The following LCT variants were observed in gnomAD, a reference collection of about 807,000 sequenced individuals.
LCT encodes the protein lactase/phlorizin hydrolase.
LCT carries 90 observed loss-of-function variants against 173.0 expected under a neutral mutation model. The observed-to-expected ratio is 0.52, with a 90% CI of 0.44 to 0.62. The LOEUF (loss-of-function observed/expected upper bound fraction) is 0.62. LCT is among the 20% of genes least tolerant of loss of function. LCT has a pLI of 0.00. For missense variants in LCT, 1,864 were observed against 2,431.4 expected (o/e 0.77, Z 4.91); for synonymous variants, 853 against 957.6 (o/e 0.89, Z 2.02).
chr2:135,812,245 C>T (rs1015950225), intron 7 of LCT, 66 bp downstream of exon 7: 22 of 1,384,986 alleles, frequency 1.6e-5, no homozygotes, highest in Middle Eastern at 2.1e-4. Context: ...TCTTATTAAA[C>T]GAAACTTTGA....
At chr2:135,802,334 C>A (rs1217712325) in intron 11 of LCT, among the ~76,000 whole-genome samples, 1 of 152,124 alleles carries the variant, frequency 6.6e-6, no homozygotes, top group Non-Finnish European at 1.5e-5. Flanking sequence ...ATTCAAAACC[C>A]TAAGGGATCC....
At chr2:135,827,824 G>C (rs994999125) in intron 3 of LCT, among the ~76,000 whole-genome samples, 1 of 152,164 alleles carries the variant, frequency 6.6e-6, no homozygotes, top group African/African-American at 2.4e-5. Context: ...TGCTCCGCCT[G>C]GGGGCTGGGG....
intron 6 of LCT, among the ~76,000 whole-genome samples, chr2:135,814,549 G>T (rs189792549): frequency 8.1e-4 from 121 of 149,064 alleles, no homozygotes; most frequent in African/African-American, 2.8e-3. Flanking sequence ...ATGGAGTCTC[G>T]CTCTGTCACC....
intron 14 of LCT, among the ~76,000 whole-genome samples, chr2:135,792,671 C>T (rs2077542477): frequency 1.3e-5 from 2 of 152,142 alleles, no homozygotes; most frequent in African/African-American, 4.8e-5. Context: ...AGCCATAATA[C>T]CCCTGGGAAC....
At chr2:135,835,823 T>A (rs1679331788) in intron 1 of LCT, among the ~76,000 whole-genome samples, 1 of 150,122 alleles carries the variant, frequency 6.7e-6, no homozygotes, top group African/African-American at 2.4e-5. Flanking sequence ...CTAAGACATG[T>A]AAGTATAGGG....
Position 135,794,634 on chromosome 2 carries a change from G to T in LCT, c.5111+7C>A, listed in dbSNP as rs1433105399. ...GATGGCTCCGGGCTCCCTGTTGGTGGACTTACCTGTCTGCATCAAAAGAAG... is the reference window on the plus strand; with the variant it reads ...GATGGCTCCGGGCTCCCTGTTGGTGTACTTACCTGTCTGCATCAAAAGAAG... On this transcript the variant is annotated splice_region_variant and intron_variant, in intron 14 of 16. Transcript: ENST00000264162. 6.8e-6 allele frequency: 11 copies of T among 1,613,792 alleles called. No individual in the cohort carries two copies. The highest frequency in any genetic ancestry group is 5.1e-6 in the Non-Finnish European group (6 of 1,179,948).
Position 135,812,854 on chromosome 2 carries a change from C to T in LCT, c.1810G>A (p.Asp604Asn). The T allele has an allele frequency of 3.1e-6, 5 of 1,614,218 alleles. No homozygotes were observed. The highest frequency in any genetic ancestry group is 4.2e-6 in the Non-Finnish European group (5 of 1,180,044). ...TCTGGAGACAGGGGTTCTGCCCAGT[C>T]TGAGTTCAGCACAATGCCCACGTGC... ...QGHVGIVLNS[D>N]WAEPLSPERP... Residue 604 changes from aspartate (D) to asparagine (N), a missense_variant, in exon 7 of 17, where the codon GAC becomes AAC. Around this residue, in one of 4 missense-constraint regions of LCT, gnomAD observed 755 missense variants for 926.3 expected, o/e 0.82. Coordinates refer to ENST00000264162, the MANE Select transcript of LCT (RefSeq NM_002299.4).
chr2:135,816,135 G>T (rs1048126250), intron 6 of LCT, among the ~76,000 whole-genome samples: 4 of 152,232 alleles, frequency 2.6e-5, no homozygotes, highest in African/African-American at 7.2e-5. Context: ...GGAAATAATG[G>T]AAAAGACCTA....
At chr2:135,805,477 C>G (rs900400388) in intron 9 of LCT, among the ~76,000 whole-genome samples, 1 of 152,224 alleles carries the variant, frequency 6.6e-6, no homozygotes, top group African/African-American at 2.4e-5. Context: ...AGGCAAGTCA[C>G]TCTTGCCTTT....
intron 6 of LCT, among the ~76,000 whole-genome samples, chr2:135,814,837 T>G (rs1298333108): frequency 6.6e-6 from 1 of 152,080 alleles, no homozygotes. Flanking sequence ...TTCTTTAAAT[T>G]TTTTCCTTAA....
chr2:135,795,268 C>T (rs1037446648), intron 13 of LCT, among the ~76,000 whole-genome samples: 31 of 151,458 alleles, frequency 2.0e-4, no homozygotes, highest in African/African-American at 7.3e-4. Context: ...AGTGCAGTGG[C>T]GCGATCTCAG....
At chr2:135,831,784 C>T (rs1047145785) in intron 2 of LCT, among the ~76,000 whole-genome samples, 4 of 152,178 alleles carry the variant, frequency 2.6e-5, no homozygotes, top group African/African-American at 9.7e-5. Context: ...CAATGAGCAG[C>T]ACAACATCTC....
intron 11 of LCT, 50 bp from the exon 12 acceptor site, chr2:135,800,859 A>G: frequency 6.9e-7 from 1 of 1,446,288 alleles, no homozygotes; most frequent in Non-Finnish European, 9.7e-7. Flanking sequence ...AATGGATGTG[A>G]CTGAGATTGT....
intron 3 of LCT, among the ~76,000 whole-genome samples, chr2:135,824,552 T>G (rs2077867481): frequency 6.6e-6 from 1 of 152,138 alleles, no homozygotes; most frequent in East Asian, 1.9e-4. Context: ...AAAAAAAATT[T>G]TTTTTAATTA....
Position 135,803,943 on chromosome 2 carries a change from T to C in LCT, c.4650A>G (p.Gly1550=). 6.2e-7 allele frequency: 1 copy of C among 1,613,940 alleles called. No homozygotes were observed. Among genetic ancestry groups the C allele is most frequent in the Non-Finnish European group, 8.5e-7 (1 of 1,179,928 alleles). Residue 1550 remains glycine, a synonymous_variant, in exon 11 of 17, where the codon GGA becomes GGG. Transcript: ENST00000264162. ...FVIAYQGYGY[G]TAAPGVSNRP... is the part of the protein sequence containing the mutation. ...GCTGGGACTTACCTGGAGCTGCTGT[T>C]CCGTAGCCATAGCCCTGGTAAGCAA...
chr2:135,795,491 G>T (rs190354133), intron 13 of LCT, among the ~76,000 whole-genome samples: 127 of 152,080 alleles, frequency 8.4e-4, no homozygotes, highest in Non-Finnish European at 8.7e-4. Context: ...TTACAGGCAT[G>T]AGCCACCACA....
In LCT at chr2:135,789,754, C is replaced by T; in HGVS notation, c.5380G>A (p.Ala1794Thr). The T allele has an allele frequency of 1.2e-6, 2 of 1,614,232 alleles. No individual in the cohort carries two copies. The highest frequency in any genetic ancestry group is 1.7e-5 in the Admixed American group (1 of 60,016). ...VDLRGYTVWS[A>T]MDNFEWATGF... ...GTGGCCCACTCAAAATTGTCCATCG[C>T]ACTCCAAACTGTGTATCCTCGAAGG... The change falls in exon 16 of 17, where the codon GCG becomes ACG. Residue 1794 changes from alanine (A) to threonine (T), a missense_variant. Ala to Thr is a moderately conservative substitution (Grantham distance 58). Transcript: ENST00000264162.
chr2:135,807,970 A>C (rs2077691917), intron 8 of LCT, among the ~76,000 whole-genome samples: 1 of 152,012 alleles, frequency 6.6e-6, no homozygotes, highest in Non-Finnish European at 1.5e-5. Context: ...TCTACCAAAA[A>C]TACAAAAAAA....
chr2:135,823,223 AG>A (rs796564733), intron 4 of LCT: 10 of 158,394 alleles, frequency 6.3e-5, no homozygotes, highest in African/African-American at 2.2e-4. Context: ...AGTGAATATC[AG>A]GGCCCTCAGG....
Sources: allele counts gnomAD v4.1 joint callset (sites outside exome capture counted in the v4.1 genomes callset), GRCh38; gene constraint gnomAD v4.1.1; regional missense constraint gnomAD v4.1.1; transcripts MANE v1.5; gene names NCBI Gene and HGNC (gene_info 2026-07-23, HGNC 2026-07-21).